Variants in ADCK2 observed in about 807,000 individuals in gnomAD.
ADCK2 encodes aarF domain containing kinase 2, also known as uncharacterized aarF domain-containing protein kinase 2.
A neutral mutation model predicts 52.3 loss-of-function variants in ADCK2; 37 were observed. The observed-to-expected ratio is 0.71, with a 90% CI of 0.54 to 0.93. The LOEUF (loss-of-function observed/expected upper bound fraction) is 0.93, where lower values mean the gene tolerates loss of function less well. Ranked by LOEUF, ADCK2 falls within the 40% of genes least tolerant of loss-of-function variation. The pLI is 0.00. For missense variants in ADCK2, 695 were observed against 798.7 expected, an observed-to-expected ratio of 0.87 and a Z score of 1.56; for synonymous variants, 321 against 349.2, an observed-to-expected ratio of 0.92 and a Z score of 0.90.
intron 5 of ADCK2, among the ~76,000 whole-genome samples, chr7:140,688,779 T>C (rs1047248602): frequency 3.3e-5 from 5 of 152,104 alleles, no homozygotes; most frequent in African/African-American, 1.2e-4. Flanking sequence ...GCCTCCCCTG[T>C]GATTCTGAGG....
At chr7:140,685,907 C>G (rs369183510) in intron 4 of ADCK2, among the ~76,000 whole-genome samples, 13 of 152,064 alleles carry the variant, frequency 8.5e-5, no homozygotes, top group African/African-American at 2.9e-4. Flanking sequence ...AACACAATCC[C>G]TGGGGGTTGC....
At chr7:140,690,171 G>A (rs1232971888) in intron 6 of ADCK2, among the ~76,000 whole-genome samples, 7 of 152,254 alleles carry the variant, frequency 4.6e-5, no homozygotes, top group African/African-American at 7.2e-5. Flanking sequence ...CCACTGGCAC[G>A]CTGGCCCTGC....
chr7:140,689,807 C>G, intron 6 of ADCK2, 82 bp downstream of exon 6: 1 of 1,389,808 alleles, frequency 7.2e-7, no homozygotes, highest in Non-Finnish European at 9.5e-7. Context: ...TAAGGGAGAC[C>G]TCTTTATGAG....
chr7:140,681,630 T>A (rs551829863), intron 4 of ADCK2, among the ~76,000 whole-genome samples: 2 of 151,940 alleles, frequency 1.3e-5, no homozygotes, highest in Non-Finnish European at 2.9e-5. Flanking sequence ...TTTTTTTTCC[T>A]TTTTTAAGAT....
At chr7:140,687,304 G>A in intron 5 of ADCK2, 63 bp downstream of exon 5, 2 of 1,491,408 alleles carry the variant, frequency 1.3e-6, no homozygotes, top group Non-Finnish European at 1.8e-6. Flanking sequence ...AGCTGGTGAA[G>A]CATGGTGGCT....
chr7:140,686,948 T>C, intron 4 of ADCK2, 42 bp from the exon 5 acceptor site: 4 of 1,599,504 alleles, frequency 2.5e-6, no homozygotes, highest in Non-Finnish European at 3.4e-6. Flanking sequence ...TTGGTGGTGC[T>C]CTAGGGGCGA....
At chr7:140,675,881 G>A (rs61201681) in intron 2 of ADCK2, among the ~76,000 whole-genome samples, 10,857 of 152,174 alleles carry the variant, frequency 0.071, 1,287 homozygotes, top group African/African-American at 0.25. Flanking sequence ...TACAGACTTA[G>A]CAAACACACT....
In ADCK2 at chr7:140,673,963, G is replaced by A; in HGVS notation, c.633G>A (p.Val211=). 2 of 1,614,074 alleles carry A rather than the reference G, an allele frequency of 1.2e-6. No homozygotes were observed. The highest frequency in any genetic ancestry group is 1.3e-5 in the African/African-American group (1 of 75,058). Residue 211 remains valine (V), a synonymous_variant, in exon 1 of 8, where the codon GTG becomes GTA. Transcript: ENST00000072869. The surrounding 1 kb of genome is among the most constrained non-coding windows in gnomAD (Gnocchi z 6.4). ...GGGAACCTGTGGGCTCAGGCTGCGT[G>A]GCCCAGGTGTACAAAGCATACGCCA... is the stretch of plus-strand genomic sequence containing the variant. The part of the protein sequence containing the change: ...ENREPVGSGC[V]AQVYKAYANT...
chr7:140,674,122 A>C lies in ADCK2; in HGVS notation c.792A>C (p.Pro264=). Reference sequence around the variant, plus strand: ...ACCTTGGAAATGGCCGGAAACCTCCAGAAAATCTCGCAGACCAGTCGTTTC... The same window carrying C: ...ACCTTGGAAATGGCCGGAAACCTCCCGAAAATCTCGCAGACCAGTCGTTTC... ...FGYLGNGRKP[P]ENLADQSFLE... The change falls in exon 1 of 8, where the codon CCA becomes CCC. Residue 264 remains proline (P), a synonymous_variant. Coordinates refer to ENST00000072869, the MANE Select transcript of ADCK2 (RefSeq NM_052853.4). This position sits in a 1 kb window ranked among gnomAD's most constrained non-coding sequence, Gnocchi z 4.6. 1.2e-6 allele frequency: 2 copies of C among 1,614,182 alleles called. No homozygotes were observed. The highest frequency in any genetic ancestry group is 2.2e-5 in the South Asian group (2 of 91,082).
rs367917022 is a variant in ADCK2 at position 140,673,586 on chromosome 7, C to A, written c.256C>A (p.Arg86=). 5 of 1,605,262 alleles carry A rather than the reference C, an allele frequency of 3.1e-6. No homozygotes were observed. In the East Asian group the frequency reaches 6.7e-5, roughly 21 times the overall value. ...AGAGPAESLP[R]AGPLGGVFLH... ...CGCGGGGCCCGCGGAGAGCCTCCCC[C>A]GAGCGGGACCTCTGGGCGGCGTCTT... Residue 86 remains arginine (R), a synonymous_variant, in exon 1 of 8, where the codon CGA becomes AGA. Transcript: ENST00000072869. The surrounding 1 kb of genome is among the most constrained non-coding windows in gnomAD (Gnocchi z 6.4).
chr7:140,674,156 C>T lies in ADCK2; in HGVS notation c.826C>T (p.Leu276=). 1 of 1,614,080 alleles carries T rather than the reference C, an allele frequency of 6.2e-7. No individual in the cohort carries two copies. The highest frequency in any genetic ancestry group is 8.5e-7 in the Non-Finnish European group (1 of 1,180,032). Reference sequence around the variant, plus strand: ...CGCAGACCAGTCGTTTCTAGAAAGGCTGCTCCTCCCTAAAGCTGACCTGGT... The same window carrying T: ...CGCAGACCAGTCGTTTCTAGAAAGGTTGCTCCTCCCTAAAGCTGACCTGGT... ...NLADQSFLER[L]LLPKADLVGS... is the part of the protein sequence containing the mutation. The change falls in exon 1 of 8, where the codon CTG becomes TTG. Residue 276 remains leucine, a synonymous_variant. Transcript: ENST00000072869. This position sits in a 1 kb window ranked among gnomAD's most constrained non-coding sequence, Gnocchi z 4.6.
At position 140,673,182 on chromosome 7, in the gene ADCK2, A is replaced by C; in HGVS notation, c.-149A>C. ...CGGGCCTCCGGCCTGAGGCCCGGCG[A>C]GGTGCTGGAGGGAGCGGGGCGCGGA... On this transcript the variant is annotated 5_prime_UTR_variant, in exon 1 of 8. Coordinates refer to ENST00000072869, the MANE Select transcript of ADCK2 (RefSeq NM_052853.4). The surrounding 1 kb of genome is among the most constrained non-coding windows in gnomAD (Gnocchi z 6.4). 80 of 457,102 alleles carry C rather than the reference A, an allele frequency of 1.8e-4. No individual in the cohort carries two copies. The highest frequency in any genetic ancestry group is 1.6e-4 in the East Asian group (4 of 25,000). The allele number at this position is 457,102 out of a possible 1,614,324, so 28.3% of individuals were successfully genotyped here. A position where few individuals can be genotyped will look rare whatever the true frequency, so the allele number is the denominator to read the frequency against.
intron 7 of ADCK2, among the ~76,000 whole-genome samples, chr7:140,692,305 T>C (rs760985117): frequency 8.5e-5 from 13 of 152,252 alleles, no homozygotes; most frequent in Admixed American, 2.0e-4. Flanking sequence ...CCTTTTGTGA[T>C]TGGCTTGTTT....
chr7:140,690,151 CAAG>C (rs1415399507), intron 6 of ADCK2, among the ~76,000 whole-genome samples: 1 of 152,176 alleles, frequency 6.6e-6, no homozygotes, highest in Non-Finnish European at 1.5e-5. Flanking sequence ...ATGGGTCAGA[CAAG>C]GAGTGGCCAC....
At chr7:140,685,610 C>T (rs985250336) in intron 4 of ADCK2, among the ~76,000 whole-genome samples, 1 of 152,164 alleles carries the variant, frequency 6.6e-6, no homozygotes, top group African/African-American at 2.4e-5. Context: ...TAGCAGCTTC[C>T]CTTATCCCTA....
At chr7:140,679,133 C>T in intron 2 of ADCK2, 22 bp from the exon 3 acceptor site, 1 of 1,613,408 alleles carries the variant, frequency 6.2e-7, no homozygotes, top group Non-Finnish European at 8.5e-7. Flanking sequence ...AGCCCTCATC[C>T]TTTCTGTCCA....
At chr7:140,690,318 T>C (rs1004273792) in intron 6 of ADCK2, among the ~76,000 whole-genome samples, 1 of 152,148 alleles carries the variant, frequency 6.6e-6, no homozygotes, top group African/African-American at 2.4e-5. Flanking sequence ...TTCTCCTGCC[T>C]CAGCCTCCCG....
At position 140,687,085 on chromosome 7, in the gene ADCK2, G is replaced by C; in HGVS notation, c.1401G>C (p.Leu467=). 2 of 1,614,020 alleles carry C rather than the reference G, an allele frequency of 1.2e-6. No homozygotes were observed. The highest frequency in any genetic ancestry group is 1.7e-6 in the Non-Finnish European group (2 of 1,180,036). ...NGLSSSQEAQ[L]QQADICDTLV... ...TGTCCTCGAGTCAGGAGGCGCAGCTGCAGCAGGCGGACATCTGTGACACTC... is the reference window on the plus strand; with the variant it reads ...TGTCCTCGAGTCAGGAGGCGCAGCTCCAGCAGGCGGACATCTGTGACACTC... Residue 467 remains leucine (L), a synonymous_variant, in exon 5 of 8, where the codon CTG becomes CTC. Coordinates refer to ENST00000072869, the MANE Select transcript of ADCK2 (RefSeq NM_052853.4).
At chr7:140,688,310 C>T (rs1585852866) in intron 5 of ADCK2, among the ~76,000 whole-genome samples, 1 of 152,130 alleles carries the variant, frequency 6.6e-6, no homozygotes, top group Admixed American at 6.6e-5. Context: ...TCCCAAGGTG[C>T]TGGGATTACA....
Sources: allele counts gnomAD v4.1 joint callset (sites outside exome capture counted in the v4.1 genomes callset), GRCh38; gene constraint gnomAD v4.1.1; non-coding constraint Gnocchi (gnomAD v3.1); transcripts MANE v1.5; gene names NCBI Gene and HGNC (gene_info 2026-07-23, HGNC 2026-07-21).